The following MED12L variants were observed in gnomAD, a reference collection of about 807,000 sequenced individuals.
MED12L encodes the protein mediator complex subunit 12L.
In MED12L, 60 loss-of-function variants were observed where a neutral mutation model predicts 281.3. That is an observed-to-expected ratio of 0.21 (90% CI 0.17 to 0.26). MED12L has a LOEUF of 0.26. MED12L is among the 10% of genes least tolerant of loss of function. MED12L has a pLI of 1.00. For missense variants in MED12L, 2,146 were observed against 2,680.9 expected, an observed-to-expected ratio of 0.80 and a Z score of 4.41; for synonymous variants, 974 against 987.2, an observed-to-expected ratio of 0.99 and a Z score of 0.25.
chr3:151,249,413 TC>T (rs1736412213), intron 16 of MED12L, among the ~76,000 whole-genome samples: 1 of 152,214 alleles, frequency 6.6e-6, no homozygotes, highest in Non-Finnish European at 1.5e-5. Context: ...TCTGCACGTT[TC>T]CTTCTTTCAG....
At chr3:151,320,365 G>T (rs762591315) in intron 16 of MED12L, among the ~76,000 whole-genome samples, 2 of 152,130 alleles carry the variant, frequency 1.3e-5, no homozygotes, top group Admixed American at 6.5e-5. Flanking sequence ...GCCCGTGTTG[G>T]TCTTTTCCAT....
Position 151,334,192 on chromosome 3 carries a change from C to CTTTTTTTTTTTTTTTT in MED12L, c.2251-15864_2251-15863insTTTTTTTTTTTTTTTT, listed in dbSNP as rs71848482. ...GATGTTATGTGTTTTTTCTTTCTTT[C>CTTTTTTTTTTTTTTTT]TTTCTTTTTTTTTTTGCCATTTCTA... On this transcript the variant is annotated intron_variant, in intron 16 of 44. Transcript: ENST00000687756. 7.2e-4 allele frequency among the ~76,000 whole-genome samples: 72 copies of CTTTTTTTTTTTTTTTT among 99,394 alleles called. 6 individuals are homozygous for CTTTTTTTTTTTTTTTT. Among genetic ancestry groups the CTTTTTTTTTTTTTTTT allele is most frequent in the South Asian group, 1.5e-3 (4 of 2,680 alleles). The allele number at this position is 99,394 out of a possible 152,430, so 65.2% of individuals were successfully genotyped here.
At chr3:151,276,397 A>G (rs751161278) in intron 16 of MED12L, among the ~76,000 whole-genome samples, 4 of 152,224 alleles carry the variant, frequency 2.6e-5, no homozygotes, top group Non-Finnish European at 5.9e-5. Flanking sequence ...CTTATTGTCC[A>G]TCATCCTCCA....
intron 16 of MED12L, among the ~76,000 whole-genome samples, chr3:151,219,841 T>TA (rs759206944): frequency 1.3e-5 from 2 of 151,424 alleles, no homozygotes; most frequent in South Asian, 2.1e-4. Context: ...GTGGGAAACT[T>TA]AAACTCTGAG....
In MED12L at chr3:151,102,327, G is replaced by A. The variant is rs187897078; in HGVS notation, c.100-14011G>A. Among the ~76,000 whole-genome samples, 90 of 152,212 alleles carry A rather than the reference G, an allele frequency of 5.9e-4. 1 individual carries two copies. Among genetic ancestry groups the A allele is most frequent in the African/African-American group, 2.1e-3 (86 of 41,506 alleles). On this transcript the variant is annotated intron_variant, in intron 2 of 44. Transcript: ENST00000687756. ...CAAGCCCCCTGAAAATAAAAAGGGT[G>A]GAGGCTGAGAAGTGCTAACAGAGGT...
chr3:151,238,850 A>C lies in MED12L; in HGVS notation c.2250+45184A>C, dbSNP rs893035274. On this transcript the variant is annotated intron_variant, in intron 16 of 44. Coordinates refer to ENST00000687756, the MANE Select transcript of MED12L (RefSeq NM_001393769.1). ...CTTATGATTGTCTAGAGGAATGAACACTTGTATAATTGAGTTATAAGCTGA... is the reference window on the plus strand; with the variant it reads ...CTTATGATTGTCTAGAGGAATGAACCCTTGTATAATTGAGTTATAAGCTGA... Among the ~76,000 whole-genome samples, 23 of 152,376 alleles carry C rather than the reference A, an allele frequency of 1.5e-4. No homozygotes were observed. In the South Asian group the frequency reaches 2.5e-3, roughly 16 times the overall value.
intron 5 of MED12L, among the ~76,000 whole-genome samples, chr3:151,128,373 G>T (rs1016946170): frequency 6.6e-6 from 1 of 152,004 alleles, no homozygotes; most frequent in African/African-American, 2.4e-5. Flanking sequence ...AACCTAAATG[G>T]TATATTGTGT....
At chr3:151,190,429 C>T (rs903025095) in intron 13 of MED12L, among the ~76,000 whole-genome samples, 16 of 152,226 alleles carry the variant, frequency 1.1e-4, no homozygotes, top group Non-Finnish European at 1.8e-4. Flanking sequence ...ACCTCAGCCT[C>T]CCAAAGTGCT....
rs981501271 is a variant in MED12L, at chr3:151,337,758, G to A, written c.2251-12301G>A. On this transcript the variant is annotated intron_variant, in intron 16 of 44. Coordinates refer to ENST00000687756, the MANE Select transcript of MED12L (RefSeq NM_001393769.1). ...TCGTCAGTTAATATTTTTACTTAGC[G>A]CTTTGCTTTAACGAGTTCTGAACAC... The A allele has an allele frequency of 2.6e-5, 40 of 1,517,968 alleles. 1 individual carries two copies. The South Asian group carries it at 3.0e-4, about 11-fold the overall frequency. 94.0% of individuals were successfully genotyped at this position (1,517,968 alleles called of 1,614,324 possible). A position where few individuals can be genotyped will look rare whatever the true frequency, so the allele number is the denominator to read the frequency against.
chr3:151,097,284 A>G (rs781724761), intron 2 of MED12L, among the ~76,000 whole-genome samples: 5 of 152,234 alleles, frequency 3.3e-5, no homozygotes, highest in Non-Finnish European at 7.3e-5. Flanking sequence ...TAGTTGTACA[A>G]TGCTGTGACC....
chr3:151,161,105 G>GAC (rs998921816), intron 8 of MED12L, among the ~76,000 whole-genome samples: 7 of 152,182 alleles, frequency 4.6e-5, no homozygotes, highest in African/African-American at 1.7e-4. Context: ...GCAGCAAAGT[G>GAC]ACACAGGTAG....
chr3:151,148,614 C>CGTG (rs1208243317), intron 5 of MED12L, among the ~76,000 whole-genome samples: 1 of 152,098 alleles, frequency 6.6e-6, no homozygotes, highest in Non-Finnish European at 1.5e-5. Flanking sequence ...TTGAGGAGTC[C>CGTG]ATCACCTCTG....
intron 5 of MED12L, among the ~76,000 whole-genome samples, chr3:151,154,059 A>G (rs1159743156): frequency 6.6e-6 from 1 of 152,216 alleles, no homozygotes; most frequent in East Asian, 1.9e-4. Flanking sequence ...GTCCGGTTTC[A>G]TTACCATTCT....
At chr3:151,400,193 G>A (rs980222253) in intron 39 of MED12L, among the ~76,000 whole-genome samples, 1 of 152,190 alleles carries the variant, frequency 6.6e-6, no homozygotes. Context: ...GCAATCTAAA[G>A]TTTTGACCCA....
intron 16 of MED12L, among the ~76,000 whole-genome samples, chr3:151,301,619 T>C (rs1745935171): frequency 6.6e-6 from 1 of 152,232 alleles, no homozygotes. Flanking sequence ...AAGATTTGTC[T>C]AGACATTTCA....
At chr3:151,171,631 A>G (rs1305692739) in intron 11 of MED12L, among the ~76,000 whole-genome samples, 1 of 152,226 alleles carries the variant, frequency 6.6e-6, no homozygotes, top group Non-Finnish European at 1.5e-5. Context: ...TGCTTAGACT[A>G]TTCGTGCAGA....
intron 16 of MED12L, among the ~76,000 whole-genome samples, chr3:151,314,554 G>C (rs1346047239): frequency 1.3e-5 from 2 of 152,182 alleles, no homozygotes; most frequent in Non-Finnish European, 2.9e-5. Context: ...CTTTCAGCCA[G>C]GTAGGAAGAG....
chr3:151,329,839 TA>T (rs1252920488), intron 16 of MED12L, among the ~76,000 whole-genome samples: 2 of 152,190 alleles, frequency 1.3e-5, no homozygotes, highest in Non-Finnish European at 2.9e-5. Context: ...ATGAAGAAAA[TA>T]GTCCCAAATT....
At chr3:151,088,884 T>C (rs1300756118) in intron 2 of MED12L, among the ~76,000 whole-genome samples, 1 of 152,210 alleles carries the variant, frequency 6.6e-6, no homozygotes, top group African/African-American at 2.4e-5. Flanking sequence ...AATTATCTTC[T>C]GATGTTATCC....
Sources: gnomAD v4.1 joint callset for allele counts (sites outside exome capture counted in the v4.1 genomes callset) on GRCh38, gnomAD v4.1.1 for gene constraint, MANE v1.5 for transcripts, NCBI Gene and HGNC (gene_info 2026-07-23, HGNC 2026-07-21) for gene names.